Variants in UGT1A10 observed in about 807,000 individuals in gnomAD.
The protein encoded by UGT1A10 is UDP-glucuronosyltransferase 1A10.
In UGT1A10, 49 loss-of-function variants were observed where a neutral mutation model predicts 45.8. The ratio of observed to expected loss-of-function variants is 1.07; its 90% CI spans 0.85 to 1.36. The LOEUF (loss-of-function observed/expected upper bound fraction) is 1.36. Ranked by LOEUF, UGT1A10 falls within the 40% of genes most tolerant of loss-of-function variation. The pLI is 0.00. For missense variants in UGT1A10, 745 were observed against 668.6 expected (o/e 1.11, Z -1.26); for synonymous variants, 284 against 249.7 (o/e 1.14, Z -1.29).
chr2:233,713,539 A>G, intron 1 of UGT1A10: 1 of 1,613,964 alleles, frequency 6.2e-7, no homozygotes, highest in Non-Finnish European at 8.5e-7. Flanking sequence ...TTAGACTTTA[A>G]GGGCACACAG....
At chr2:233,643,716 G>C (rs926333796) in intron 1 of UGT1A10, among the ~76,000 whole-genome samples, 1 of 152,158 alleles carries the variant, frequency 6.6e-6, no homozygotes, top group Admixed American at 6.5e-5. Flanking sequence ...GTAGTACGAG[G>C]TTTCACTGCT....
At chr2:233,661,722 T>A (rs1262729780) in intron 1 of UGT1A10, among the ~76,000 whole-genome samples, 1 of 150,578 alleles carries the variant, frequency 6.6e-6, no homozygotes, top group African/African-American at 2.4e-5. Flanking sequence ...TTTTTTTTTT[T>A]AATGATCGCC....
intron 1 of UGT1A10, among the ~76,000 whole-genome samples, chr2:233,756,939 C>G (rs1402557459): frequency 1.3e-5 from 2 of 151,990 alleles, no homozygotes; most frequent in African/African-American, 4.8e-5. Flanking sequence ...GTTACATAAC[C>G]TGAAACCCGG....
At chr2:233,728,069 G>T (rs750317437) in intron 1 of UGT1A10, among the ~76,000 whole-genome samples, 1 of 152,220 alleles carries the variant, frequency 6.6e-6, no homozygotes, top group Non-Finnish European at 1.5e-5. Context: ...CCTTGTGAGT[G>T]CTCAGGGTCT....
rs538561016 is a variant in UGT1A10, at chr2:233,636,591, C to T, written c.69C>T (p.Ala23=). Residue 23 remains alanine (A), a synonymous_variant, in exon 1 of 5, where the codon GCC becomes GCT. Transcript: ENST00000344644. ...CVCLLLTCGF[A]EAGKLLVVPM... ...GTCTACTGCTGACCTGTGGCTTTGC[C>T]GAGGCAGGGAAGCTGCTGGTAGTGC... The T allele has an allele frequency of 4.6e-5, 75 of 1,614,040 alleles. No individual in the cohort carries two copies. The highest frequency in any genetic ancestry group is 1.6e-4 in the Middle Eastern group (1 of 6,062).
intron 1 of UGT1A10, among the ~76,000 whole-genome samples, chr2:233,728,801 G>A (rs1420338275): frequency 4.1e-4 from 62 of 152,222 alleles, no homozygotes; most frequent in Admixed American, 4.1e-3. Context: ...CAGAGAAGTA[G>A]GAGACAGTGA....
intron 1 of UGT1A10, among the ~76,000 whole-genome samples, chr2:233,698,139 C>T (rs1179532977): frequency 6.6e-6 from 1 of 152,188 alleles, no homozygotes; most frequent in Admixed American, 6.5e-5. Flanking sequence ...TGTGTCTCAA[C>T]TGTATTCCCA....
intron 1 of UGT1A10, among the ~76,000 whole-genome samples, chr2:233,760,000 T>C (rs1697300608): frequency 6.6e-6 from 1 of 152,218 alleles, no homozygotes; most frequent in Admixed American, 6.5e-5. Context: ...TCTGTGGAAA[T>C]ACTAATTTAA....
In UGT1A10 at chr2:233,724,385, C is replaced by T. The variant is rs1406263837; in HGVS notation, c.856-42649C>T. ...GGACGGGGTGGCTGCCGGGCGGAGA[C>T]GCTCCTCACTTCCCAGATGGGGTGG... is the stretch of plus-strand genomic sequence containing the variant. On this transcript the variant is annotated intron_variant, in intron 1 of 4. Coordinates refer to ENST00000344644, the MANE Select transcript of UGT1A10 (RefSeq NM_019075.4). Among the ~76,000 whole-genome samples the T allele has an allele frequency of 2.7e-3, 360 of 130,940 alleles. 4 individuals are homozygous for T. Among genetic ancestry groups the T allele is most frequent in the African/African-American group, 9.9e-3 (334 of 33,572 alleles). 85.9% of individuals were successfully genotyped at this position (130,940 alleles called of 152,430 possible).
At chr2:233,739,958 T>A (rs1559383787) in intron 1 of UGT1A10, among the ~76,000 whole-genome samples, 1 of 151,938 alleles carries the variant, frequency 6.6e-6, no homozygotes, top group Non-Finnish European at 1.5e-5. Flanking sequence ...TGGGAGCTGA[T>A]TGAATCATAT....
Position 233,654,995 on chromosome 2 carries a change from A to G in UGT1A10, c.855+17618A>G, listed in dbSNP as rs567910593. On this transcript the variant is annotated intron_variant, in intron 1 of 4. Coordinates refer to ENST00000344644, the MANE Select transcript of UGT1A10 (RefSeq NM_019075.4). The stretch of plus-strand genomic sequence containing the variant: ...AATCATAGCTACTCGAGTCTGAGGC[A>G]GAAGAATCACTTGAACCTGGAAGAT... Among the ~76,000 whole-genome samples, 36 of 152,310 alleles carry G rather than the reference A, an allele frequency of 2.4e-4. 1 individual carries two copies. The South Asian group carries it at 6.8e-3, about 29-fold the overall frequency.
chr2:233,728,584 C>T (rs553325629), intron 1 of UGT1A10, among the ~76,000 whole-genome samples: 5 of 152,182 alleles, frequency 3.3e-5, no homozygotes, highest in Non-Finnish European at 7.3e-5. Flanking sequence ...GAAAAACGAC[C>T]AAAACCACAT....
At chr2:233,714,010 T>C in intron 1 of UGT1A10, 1 of 1,531,204 alleles carries the variant, frequency 6.5e-7, no homozygotes, top group Non-Finnish European at 8.8e-7. Flanking sequence ...AGATAAACTT[T>C]TAAAGGGTCA....
chr2:233,718,788 G>A, intron 1 of UGT1A10: 1 of 1,613,102 alleles, frequency 6.2e-7, no homozygotes, highest in Non-Finnish European at 8.5e-7. Context: ...ACAGCGTGGG[G>A]TGGACAGTCA....
At chr2:233,685,147 ATACTT>A (rs2074725560) in intron 1 of UGT1A10, among the ~76,000 whole-genome samples, 2 of 152,174 alleles carry the variant, frequency 1.3e-5, no homozygotes, top group African/African-American at 4.8e-5. Flanking sequence ...ATGTAATTAA[ATACTT>A]TAACAAGGAT....
intron 1 of UGT1A10, among the ~76,000 whole-genome samples, chr2:233,690,312 T>C (rs1469713381): frequency 6.6e-6 from 1 of 152,206 alleles, no homozygotes; most frequent in East Asian, 1.9e-4. Flanking sequence ...CCATTACTTA[T>C]GGGTCGTAGG....
At chr2:233,660,982 A>G (rs1224739374) in intron 1 of UGT1A10, among the ~76,000 whole-genome samples, 1 of 152,104 alleles carries the variant, frequency 6.6e-6, no homozygotes, top group Non-Finnish European at 1.5e-5. Flanking sequence ...ATTTAGCTTT[A>G]TGTTGTCATA....
intron 1 of UGT1A10, among the ~76,000 whole-genome samples, chr2:233,749,246 T>C (rs765293150): frequency 2.6e-5 from 4 of 151,942 alleles, no homozygotes; most frequent in East Asian, 1.9e-4. Flanking sequence ...TCAAACCACA[T>C]GATTTTTTTA....
intron 1 of UGT1A10, among the ~76,000 whole-genome samples, chr2:233,726,792 T>G (rs1032165047): frequency 1.3e-5 from 2 of 152,238 alleles, no homozygotes; most frequent in Admixed American, 1.3e-4. Flanking sequence ...CCACATCTTA[T>G]TCAAGGCTTG....
Sources: gnomAD v4.1 joint callset for allele counts (sites outside exome capture counted in the v4.1 genomes callset) on GRCh38, gnomAD v4.1.1 for gene constraint, MANE v1.5 for transcripts, NCBI Gene and HGNC (gene_info 2026-07-23, HGNC 2026-07-21) for gene names.